The following SUFU variants were observed in gnomAD, a reference collection of about 807,000 sequenced individuals.
SUFU encodes suppressor of fused homolog.
In SUFU, 7 loss-of-function variants were observed where a neutral mutation model predicts 58.9. That is an observed-to-expected ratio of 0.12 (90% CI 0.07 to 0.22). The LOEUF (loss-of-function observed/expected upper bound fraction) is 0.22. Among genes scored for constraint, SUFU ranks in the 10% least tolerant of loss-of-function variants. The pLI is 1.00. For synonymous variants in SUFU, 232 were observed against 254.8 expected (o/e 0.91, Z 0.85); for missense variants, 451 against 641.3 (o/e 0.70, Z 3.20).
At chr10:102,518,767 A>C (rs1006783236) in intron 2 of SUFU, among the ~76,000 whole-genome samples, 1 of 151,766 alleles carries the variant, frequency 6.6e-6, no homozygotes, top group Non-Finnish European at 1.5e-5. Context: ...GGCTGGTCTC[A>C]AACTCATGAG....
At chr10:102,611,400 C>G (rs2063621258) in intron 8 of SUFU, among the ~76,000 whole-genome samples, 1 of 152,214 alleles carries the variant, frequency 6.6e-6, no homozygotes, top group African/African-American at 2.4e-5. Context: ...TTCTGTTGGA[C>G]TGTAGTTGGG....
At chr10:102,561,625 AC>A (rs2135774173) in intron 3 of SUFU, among the ~76,000 whole-genome samples, 1 of 149,686 alleles carries the variant, frequency 6.7e-6, no homozygotes, top group Admixed American at 6.7e-5. Flanking sequence ...TGGTTCATAC[AC>A]ACTATGTGGC....
chr10:102,597,393 C>A, intron 7 of SUFU, 100 bp downstream of exon 7: 1 of 1,414,578 alleles, frequency 7.1e-7, no homozygotes, highest in Non-Finnish European at 9.5e-7. Flanking sequence ...AAAAACAACC[C>A]ATTCAATAGT....
chr10:102,579,075 A>G lies in SUFU; in HGVS notation c.455-13507A>G, dbSNP rs17114679. ...AAAGAAAAGTGAAGGCATCTGCTAG[A>G]TTAGGACTTCAGGCTCTCTCTAAGG... On this transcript the variant is annotated intron_variant, in intron 3 of 11. Transcript: ENST00000369902. Among the ~76,000 whole-genome samples, 1,344 of 152,318 alleles carry G rather than the reference A, an allele frequency of 8.8e-3. 19 individuals are homozygous for G. Among genetic ancestry groups the G allele is most frequent in the African/African-American group, 0.03 (1,267 of 41,566 alleles).
intron 2 of SUFU, among the ~76,000 whole-genome samples, chr10:102,517,476 G>T (rs2062485758): frequency 6.6e-6 from 1 of 152,090 alleles, no homozygotes; most frequent in Non-Finnish European, 1.5e-5. Flanking sequence ...ATTTTTCCCT[G>T]TTCAGCCCAC....
chr10:102,615,175 T>C, intron 8 of SUFU, 93 bp from the exon 9 acceptor site: 1 of 1,571,460 alleles, frequency 6.4e-7, no homozygotes, highest in South Asian at 1.1e-5. Flanking sequence ...CATTATTGTC[T>C]TTATTACTCA....
intron 1 of SUFU, among the ~76,000 whole-genome samples, chr10:102,505,603 G>A (rs1475404478): frequency 2.0e-5 from 3 of 152,184 alleles, no homozygotes; most frequent in Non-Finnish European, 4.4e-5. Flanking sequence ...GCTGTGCAGG[G>A]CTGAGGCCAG....
chr10:102,599,626 G>A, intron 8 of SUFU, 82 bp downstream of exon 8: 1 of 1,201,978 alleles, frequency 8.3e-7, no homozygotes, highest in East Asian at 2.4e-5. Context: ...GCATGAGAGA[G>A]AACAATGCAC....
intron 3 of SUFU, among the ~76,000 whole-genome samples, chr10:102,550,477 C>A (rs988994170): frequency 6.6e-6 from 1 of 152,120 alleles, no homozygotes; most frequent in Admixed American, 6.6e-5. Context: ...TTGTAAGTAG[C>A]CTTCAAATGA....
chr10:102,632,583 C>A lies in SUFU; in HGVS notation c.*2428C>A, dbSNP rs1349541315. The A allele has an allele frequency of 4.3e-6, 1 of 233,212 alleles. No homozygotes were observed. Among genetic ancestry groups the A allele is most frequent in the South Asian group, 1.8e-4 (1 of 5,528 alleles). The allele number at this position is 233,212 out of a possible 1,614,324, so 14.4% of individuals were successfully genotyped here. A position where few individuals can be genotyped will look rare whatever the true frequency, so the allele number is the denominator to read the frequency against. On this transcript the variant is annotated 3_prime_UTR_variant, in exon 12 of 12. Transcript: ENST00000369902. ...AGCCAAGCTGACCTTGGACCCTGTCCAGCACAGCTTCTGGCACAGGATGCT... is the reference window on the plus strand; with the variant it reads ...AGCCAAGCTGACCTTGGACCCTGTCAAGCACAGCTTCTGGCACAGGATGCT...
chr10:102,513,946 G>A (rs1469799815), intron 2 of SUFU, among the ~76,000 whole-genome samples: 4 of 152,038 alleles, frequency 2.6e-5, no homozygotes, highest in Non-Finnish European at 5.9e-5. Flanking sequence ...GGGCAGTGGC[G>A]AGGTCACGGC....
At chr10:102,585,660 C>T (rs1317009863) in intron 3 of SUFU, among the ~76,000 whole-genome samples, 4 of 152,208 alleles carry the variant, frequency 2.6e-5, no homozygotes. Flanking sequence ...GCTTGGGCCA[C>T]CACACCCAGC....
chr10:102,504,912 C>G (rs1258651358), intron 1 of SUFU, among the ~76,000 whole-genome samples: 4 of 152,142 alleles, frequency 2.6e-5, no homozygotes, highest in Non-Finnish European at 5.9e-5. Context: ...TTAGCTCAGA[C>G]GTCGTATCAG....
chr10:102,555,793 G>A (rs1225515145), intron 3 of SUFU, among the ~76,000 whole-genome samples: 1 of 152,186 alleles, frequency 6.6e-6, no homozygotes, highest in East Asian at 1.9e-4. Context: ...CCTCCTTTGT[G>A]ACTTGTAGGC....
intron 3 of SUFU, among the ~76,000 whole-genome samples, chr10:102,553,480 T>G (rs2062941587): frequency 6.6e-6 from 1 of 151,948 alleles, no homozygotes; most frequent in Non-Finnish European, 1.5e-5. Context: ...TTTTTTTTTT[T>G]TGAGATGGAG....
intron 3 of SUFU, among the ~76,000 whole-genome samples, chr10:102,577,178 G>A (rs888908255): frequency 6.8e-6 from 1 of 146,066 alleles, no homozygotes; most frequent in African/African-American, 2.6e-5. Context: ...CCGCCTCCCA[G>A]GTTCAAACGA....
chr10:102,609,721 C>T (rs533900218), intron 8 of SUFU, among the ~76,000 whole-genome samples: 45 of 152,336 alleles, frequency 3.0e-4, no homozygotes, highest in African/African-American at 9.9e-4. Context: ...TTTCAGCTCT[C>T]CTGGCTCACA....
intron 2 of SUFU, among the ~76,000 whole-genome samples, chr10:102,548,073 C>A (rs1003371643): frequency 1.3e-5 from 2 of 152,116 alleles, no homozygotes; most frequent in African/African-American, 4.8e-5. Flanking sequence ...ATCGCTTGAG[C>A]CCCCAGGAGT....
chr10:102,600,626 G>T (rs147740736), intron 8 of SUFU, among the ~76,000 whole-genome samples: 1 of 152,184 alleles, frequency 6.6e-6, no homozygotes, highest in South Asian at 2.1e-4. Context: ...GTTAGGGAGG[G>T]CATCTTGGAG....
Sources: allele counts gnomAD v4.1 joint callset (sites outside exome capture counted in the v4.1 genomes callset), GRCh38; gene constraint gnomAD v4.1.1; transcripts MANE v1.5; gene names NCBI Gene and HGNC (gene_info 2026-07-23, HGNC 2026-07-21).